Variants in CDC42BPA observed in about 807,000 individuals in gnomAD.
CDC42BPA encodes the protein CDC42 binding protein kinase alpha.
In CDC42BPA, 80 loss-of-function variants were observed where a neutral mutation model predicts 223.5. The observed-to-expected ratio is 0.36, with a 90% confidence interval of 0.30 to 0.43. The LOEUF (loss-of-function observed/expected upper bound fraction) is 0.43, where lower values mean the gene tolerates loss of function less well. Among genes scored for constraint, CDC42BPA ranks in the 20% least tolerant of loss-of-function variants. The pLI is 1.00. For missense variants in CDC42BPA, 1,743 were observed against 2,099.9 expected (o/e 0.83, Z 3.32); for synonymous variants, 694 against 718.6 (o/e 0.97, Z 0.55).
intron 1 of CDC42BPA, among the ~76,000 whole-genome samples, chr1:227,305,677 T>C (rs114398201): frequency 0.06 from 9,123 of 152,130 alleles, 280 homozygotes; most frequent in Non-Finnish European, 0.073. Context: ...TAAAATATCA[T>C]AGCATCTGCC....
At chr1:227,088,539 G>C (rs898635786) in intron 16 of CDC42BPA, among the ~76,000 whole-genome samples, 25 of 151,982 alleles carry the variant, frequency 1.6e-4, no homozygotes, top group African/African-American at 5.5e-4. Context: ...TCACATTATG[G>C]GTAACTTTCA....
At chr1:227,193,342 G>A (rs1670082573) in intron 5 of CDC42BPA, among the ~76,000 whole-genome samples, 1 of 152,078 alleles carries the variant, frequency 6.6e-6, no homozygotes, top group Non-Finnish European at 1.5e-5. Context: ...TTACAAGCGT[G>A]AGCAACCGTG....
chr1:227,263,980 TA>T (rs1030566166), intron 1 of CDC42BPA, among the ~76,000 whole-genome samples: 3 of 152,206 alleles, frequency 2.0e-5, no homozygotes, highest in African/African-American at 7.2e-5. Context: ...TTTAGTATAG[TA>T]ACTCCAGATA....
chr1:227,239,682 T>C lies in CDC42BPA; in HGVS notation c.270+14382A>G, dbSNP rs74952030. On this transcript the variant is annotated intron_variant, in intron 2 of 36. Coordinates refer to ENST00000366766, the MANE Select transcript of CDC42BPA (RefSeq NM_001394014.1). ...GATTTCAATAGATACAGAAAAAGCATATGACAGAATTCAGCACCTATCAAT... is the reference window on the plus strand; with the variant it reads ...GATTTCAATAGATACAGAAAAAGCACATGACAGAATTCAGCACCTATCAAT... Among the ~76,000 whole-genome samples the C allele has an allele frequency of 3.1e-4, 47 of 152,262 alleles. 1 individual carries two copies. In the East Asian group the frequency reaches 5.8e-3, roughly 19 times the overall value.
intron 14 of CDC42BPA, chr1:227,111,956 T>C (rs1687002243): frequency 5.9e-6 from 1 of 169,218 alleles, no homozygotes; most frequent in South Asian, 2.0e-4. Context: ...GACACAAGTG[T>C]CTGCAAAGCT....
At chr1:227,232,132 T>G (rs1329522184) in intron 2 of CDC42BPA, among the ~76,000 whole-genome samples, 1 of 152,232 alleles carries the variant, frequency 6.6e-6, no homozygotes, top group Non-Finnish European at 1.5e-5. Flanking sequence ...AATTTAAGTC[T>G]TTAATCCATC....
chr1:227,159,654 A>G (rs78089834), intron 6 of CDC42BPA, among the ~76,000 whole-genome samples: 37 of 83,444 alleles, frequency 4.4e-4, no homozygotes, highest in South Asian at 8.3e-4. Flanking sequence ...GAAGTTAAAA[A>G]AAAAAAAAAA....
chr1:227,069,867 G>T lies in CDC42BPA; in HGVS notation c.2828-14C>A. The T allele has an allele frequency of 6.3e-7, 1 of 1,597,266 alleles. No homozygotes were observed. The highest frequency in any genetic ancestry group is 8.6e-7 in the Non-Finnish European group (1 of 1,167,010). On this transcript the variant is annotated splice_polypyrimidine_tract_variant and intron_variant, in intron 20 of 36. Coordinates refer to ENST00000366766, the MANE Select transcript of CDC42BPA (RefSeq NM_001394014.1). The stretch of plus-strand genomic sequence containing the variant: ...GGTGCTCTATACCTAGAAGACAGCA[G>T]CAACTTTTTTTAAGGCTACAACAAT...
chr1:227,163,547 C>T (rs1030709878), intron 5 of CDC42BPA, among the ~76,000 whole-genome samples: 1 of 151,820 alleles, frequency 6.6e-6, no homozygotes, highest in African/African-American at 2.4e-5. Context: ...GGTCATTTTA[C>T]ATTCCTCTTC....
chr1:227,134,164 T>C (rs1022700262), intron 10 of CDC42BPA, among the ~76,000 whole-genome samples: 5 of 152,138 alleles, frequency 3.3e-5, no homozygotes, highest in Non-Finnish European at 7.3e-5. Flanking sequence ...TTTTTTCCTC[T>C]TTACTTTCTT....
At chr1:227,036,897 A>C (rs890606908) in intron 24 of CDC42BPA, among the ~76,000 whole-genome samples, 1 of 152,204 alleles carries the variant, frequency 6.6e-6, no homozygotes, top group Non-Finnish European at 1.5e-5. Flanking sequence ...ACATTATTAC[A>C]ACATTTACAA....
intron 21 of CDC42BPA, among the ~76,000 whole-genome samples, chr1:227,060,847 G>A (rs1020732071): frequency 4.7e-5 from 7 of 147,804 alleles, no homozygotes; most frequent in South Asian, 2.2e-4. Context: ...TCAGACTCCC[G>A]AGTAGCTGTG....
chr1:227,069,544 T>C (rs1677840721), intron 21 of CDC42BPA: 1 of 324,938 alleles, frequency 3.1e-6, no homozygotes, highest in Non-Finnish European at 5.6e-6. Flanking sequence ...CTTTTAAATC[T>C]TATAATGACT....
intron 2 of CDC42BPA, among the ~76,000 whole-genome samples, chr1:227,221,960 A>C (rs1016386009): frequency 6.7e-6 from 1 of 150,332 alleles, no homozygotes; most frequent in Non-Finnish European, 1.5e-5. Flanking sequence ...CATGCTTATA[A>C]TCTCAGCACT....
intron 14 of CDC42BPA, among the ~76,000 whole-genome samples, chr1:227,110,826 G>A (rs1686785656): frequency 2.0e-5 from 3 of 152,002 alleles, no homozygotes; most frequent in African/African-American, 2.4e-5. Context: ...ACAAAAACAA[G>A]AATAAAATCA....
chr1:227,066,577 G>T (rs1445025363), intron 21 of CDC42BPA, among the ~76,000 whole-genome samples: 1 of 152,072 alleles, frequency 6.6e-6, no homozygotes, highest in African/African-American at 2.4e-5. Flanking sequence ...TGATAACTCT[G>T]GGAAGGGAGA....
chr1:227,266,439 A>T (rs1685014098), intron 1 of CDC42BPA, among the ~76,000 whole-genome samples: 1 of 152,210 alleles, frequency 6.6e-6, no homozygotes, highest in South Asian at 2.1e-4. Context: ...TGAGCCAGAG[A>T]GCCAACCCTG....
intron 5 of CDC42BPA, among the ~76,000 whole-genome samples, chr1:227,167,740 T>C (rs1665290454): frequency 6.6e-6 from 1 of 152,190 alleles, no homozygotes; most frequent in Non-Finnish European, 1.5e-5. Context: ...AGCAGTCATA[T>C]GGTTTGTGAA....
At chr1:227,155,764 G>C (rs1461157802) in intron 6 of CDC42BPA, among the ~76,000 whole-genome samples, 1 of 152,142 alleles carries the variant, frequency 6.6e-6, no homozygotes, top group Non-Finnish European at 1.5e-5. Context: ...AAAAAACTAT[G>C]ACACGACGAT....
Sources: allele counts gnomAD v4.1 joint callset (sites outside exome capture counted in the v4.1 genomes callset), GRCh38; gene constraint gnomAD v4.1.1; transcripts MANE v1.5; gene names NCBI Gene and HGNC (gene_info 2026-07-23, HGNC 2026-07-21).